The following FRMD3 variants were observed in gnomAD, a reference collection of about 807,000 sequenced individuals.
FRMD3 encodes the protein FERM domain-containing protein 3.
FRMD3 carries 33 observed loss-of-function variants against 70.2 expected under a neutral mutation model. The observed-to-expected ratio is 0.47, with a 90% confidence interval of 0.36 to 0.63. The LOEUF (loss-of-function observed/expected upper bound fraction) is 0.63, where lower values mean the gene tolerates loss of function less well. FRMD3 is among the 20% of genes least tolerant of loss of function. The probability of loss-of-function intolerance (pLI) is 0.00; values close to 1 mark genes in which losing one functional copy is unlikely to be tolerated. For synonymous variants in FRMD3, 279 were observed against 255.9 expected (o/e 1.09, Z -0.86); for missense variants, 632 against 711.4 (o/e 0.89, Z 1.27).
At chr9:83,419,653 AT>A (rs1344489019) in intron 1 of FRMD3, among the ~76,000 whole-genome samples, 2 of 150,388 alleles carry the variant, frequency 1.3e-5, no homozygotes, top group African/African-American at 4.9e-5. Flanking sequence ...ATATGTGTTC[AT>A]GTGTATTGAG....
At chr9:83,343,811 A>G (rs1327760670) in intron 4 of FRMD3, among the ~76,000 whole-genome samples, 2 of 152,232 alleles carry the variant, frequency 1.3e-5, no homozygotes, top group Non-Finnish European at 2.9e-5. Context: ...ATTCACAACT[A>G]GAGCTGTCAT....
intron 13 of FRMD3, among the ~76,000 whole-genome samples, chr9:83,262,252 CTTTA>C (rs1833027614): frequency 6.6e-6 from 1 of 152,220 alleles, no homozygotes; most frequent in African/African-American, 2.4e-5. Flanking sequence ...CCTCCCAACT[CTTTA>C]CCTCCAATAA....
At chr9:83,386,767 T>C (rs879620331) in intron 2 of FRMD3, among the ~76,000 whole-genome samples, 1 of 152,212 alleles carries the variant, frequency 6.6e-6, no homozygotes, top group Non-Finnish European at 1.5e-5. Flanking sequence ...TTGCCTTGAG[T>C]TGACGTGTCT....
At chr9:83,292,282 G>T (rs183985144) in intron 12 of FRMD3, among the ~76,000 whole-genome samples, 1 of 148,564 alleles carries the variant, frequency 6.7e-6, no homozygotes, top group South Asian at 2.2e-4. Flanking sequence ...CCTCAGCCTC[G>T]CGAGTAGCTG....
At chr9:83,377,448 A>G (rs1587792010) in intron 2 of FRMD3, among the ~76,000 whole-genome samples, 3 of 152,276 alleles carry the variant, frequency 2.0e-5, no homozygotes, top group Non-Finnish European at 4.4e-5. Flanking sequence ...TGTGTCCCCA[A>G]CCAAACCTCA....
chr9:83,266,144 A>G (rs950512008), intron 13 of FRMD3, among the ~76,000 whole-genome samples: 10 of 152,194 alleles, frequency 6.6e-5, no homozygotes, highest in Non-Finnish European at 1.3e-4. Context: ...TATAAAAAAA[A>G]AAAATCCTAT....
At chr9:83,265,395 TAAA>T (rs59688591) in intron 13 of FRMD3, among the ~76,000 whole-genome samples, 1,852 of 77,306 alleles carry the variant, frequency 0.024, 31 homozygotes, top group African/African-American at 0.088. Context: ...GCGAGACTCT[TAAA>T]AAAAAAAAAA....
intron 8 of FRMD3, among the ~76,000 whole-genome samples, 156 bp from the exon 9 acceptor site, chr9:83,310,704 G>A (rs1196785451): frequency 1.3e-5 from 2 of 152,164 alleles, no homozygotes; most frequent in Admixed American, 6.5e-5. Context: ...GAAAAGCCTC[G>A]AGTGAATTAT....
chr9:83,301,455 A>AT (rs1177029802), intron 10 of FRMD3, among the ~76,000 whole-genome samples: 11 of 150,688 alleles, frequency 7.3e-5, no homozygotes, highest in African/African-American at 2.2e-4. Context: ...AGAAGCTTCT[A>AT]TTTTTTATTG....
At chr9:83,560,344 A>T in the FRMD3 span, among the ~76,000 whole-genome samples, 2 of 152,178 alleles carry the variant, frequency 1.3e-5, no homozygotes, top group Admixed American at 1.3e-4. Context: ...ATCTCTGCTC[A>T]TTCTCGTGCA....
At chr9:83,288,355 C>T (rs966748837) in intron 13 of FRMD3, among the ~76,000 whole-genome samples, 75 of 152,264 alleles carry the variant, frequency 4.9e-4, no homozygotes, top group African/African-American at 1.4e-3. Context: ...GGATATCATA[C>T]GGTACCTAAG....
intron 1 of FRMD3, among the ~76,000 whole-genome samples, chr9:83,531,296 C>T (rs1829786808): frequency 6.6e-6 from 1 of 152,114 alleles, no homozygotes; most frequent in Non-Finnish European, 1.5e-5. Flanking sequence ...GAATTTGTTG[C>T]ATGTAGTTAA....
At chr9:83,307,775 G>A (rs1223207899) in intron 10 of FRMD3, among the ~76,000 whole-genome samples, 1 of 152,064 alleles carries the variant, frequency 6.6e-6, no homozygotes, top group Non-Finnish European at 1.5e-5. Context: ...CCACAAAACT[G>A]TATACTTTAA....
intron 2 of FRMD3, among the ~76,000 whole-genome samples, chr9:83,378,036 A>G (rs1242531572): frequency 6.6e-6 from 1 of 152,078 alleles, no homozygotes; most frequent in African/African-American, 2.4e-5. Flanking sequence ...TCCCAGCCCT[A>G]ACACTGACAA....
chr9:83,415,429 G>C (rs1006922367), intron 1 of FRMD3, among the ~76,000 whole-genome samples: 1 of 150,230 alleles, frequency 6.7e-6, no homozygotes, highest in Admixed American at 6.7e-5. Context: ...TCCTGAGACC[G>C]AGAAAGGAAA....
At chr9:83,288,591 G>A (rs1379091434) in intron 13 of FRMD3, among the ~76,000 whole-genome samples, 2 of 152,190 alleles carry the variant, frequency 1.3e-5, no homozygotes, top group Admixed American at 1.3e-4. Context: ...TCCGAAGAGA[G>A]AGATCTATCA....
At chr9:83,547,695 G>C in the FRMD3 span, among the ~76,000 whole-genome samples, 1 of 152,060 alleles carries the variant, frequency 6.6e-6, no homozygotes, top group South Asian at 2.1e-4. Flanking sequence ...GGACCTAACA[G>C]ACATTTATAC....
At chr9:83,317,195 C>CACACACGCAT (rs766272659) in intron 6 of FRMD3, among the ~76,000 whole-genome samples, 1 of 33,752 alleles carries the variant, frequency 3.0e-5, no homozygotes, top group Non-Finnish European at 7.7e-5. Context: ...CTCATGCATA[C>CACACACGCAT]ACACACACAC....
intron 13 of FRMD3, among the ~76,000 whole-genome samples, chr9:83,267,548 T>A (rs1293909360): frequency 6.6e-6 from 1 of 152,176 alleles, no homozygotes; most frequent in Non-Finnish European, 1.5e-5. Flanking sequence ...CCTCCAGCCT[T>A]TATTATATTC....
Sources: gnomAD v4.1 joint callset for allele counts (sites outside exome capture counted in the v4.1 genomes callset) on GRCh38, gnomAD v4.1.1 for gene constraint, MANE v1.5 for transcripts, NCBI Gene and HGNC (gene_info 2026-07-23, HGNC 2026-07-21) for gene names.